Variants in CLIP2 observed in about 807,000 individuals in gnomAD.
CLIP2 encodes the protein CAP-Gly domain containing linker protein 2.
Under a neutral mutation model 111.7 loss-of-function variants are expected in CLIP2, and 41 were observed. The ratio of observed to expected loss-of-function variants is 0.37; its 90% CI spans 0.29 to 0.48. The LOEUF is 0.48. Among genes scored for constraint, CLIP2 ranks in the 20% least tolerant of loss-of-function variants. The pLI is 0.99. For synonymous variants in CLIP2, 660 were observed against 644.2 expected (o/e 1.02, Z -0.37); for missense variants, 1,160 against 1,422.1 (o/e 0.82, Z 2.96).
chr7:74,343,902 T>TAA (rs1247795156), intron 3 of CLIP2, among the ~76,000 whole-genome samples: 2 of 147,716 alleles, frequency 1.4e-5, no homozygotes, highest in African/African-American at 5.0e-5. Context: ...GACGCTGTCT[T>TAA]AAAAAAAAAA....
chr7:74,306,354 G>A (rs1240417904), intron 1 of CLIP2, among the ~76,000 whole-genome samples: 1 of 152,148 alleles, frequency 6.6e-6, no homozygotes, highest in Non-Finnish European at 1.5e-5. Flanking sequence ...AGTGGGCTCT[G>A]GTGAAGGCTG....
rs1584293692 is a variant in CLIP2, at chr7:74,289,459, C to T, written c.-343C>T. The stretch of plus-strand genomic sequence containing the variant: ...GCTGGCTCCGCTGGCTCCGCTGGCT[C>T]CGCGGGCGCTCAGCTCGGCTCGGCC... On this transcript the variant is annotated 5_prime_UTR_variant, in exon 1 of 17. Coordinates refer to ENST00000223398, the MANE Select transcript of CLIP2 (RefSeq NM_003388.5). 1.3e-5 allele frequency: 2 copies of T among 151,012 alleles called. No individual in the cohort carries two copies. Among genetic ancestry groups the T allele is most frequent in the African/African-American group, 4.8e-5 (2 of 41,430 alleles). 9.4% of individuals were successfully genotyped at this position (151,012 alleles called of 1,614,324 possible).
chr7:74,359,673 T>TGA (rs1790269727), intron 6 of CLIP2, among the ~76,000 whole-genome samples: 1 of 152,170 alleles, frequency 6.6e-6, no homozygotes, highest in Non-Finnish European at 1.5e-5. Flanking sequence ...ATTATTTTTT[T>TGA]GAGCAGATTC....
chr7:74,336,069 A>ATTCTT (rs1554732070), intron 2 of CLIP2, among the ~76,000 whole-genome samples: 120 of 147,644 alleles, frequency 8.1e-4, no homozygotes, highest in African/African-American at 2.8e-3. Context: ...TTTCTTTTCT[A>ATTCTT]TTCTTTTCTT....
At chr7:74,375,207 A>C (rs1283970747) in intron 9 of CLIP2, among the ~76,000 whole-genome samples, 3 of 151,118 alleles carry the variant, frequency 2.0e-5, no homozygotes, top group African/African-American at 7.3e-5. Flanking sequence ...CTATTATTGC[A>C]CGGCTGCACT....
At chr7:74,378,118 C>T (rs533392992) in intron 10 of CLIP2, among the ~76,000 whole-genome samples, 7 of 142,804 alleles carry the variant, frequency 4.9e-5, no homozygotes, top group African/African-American at 1.8e-4. Flanking sequence ...GAGGCACCAT[C>T]CCTGGCCTTT....
Position 74,376,599 on chromosome 7 carries a change from A to T in CLIP2, c.2198A>T (p.His733Leu). 1 of 1,612,856 alleles carries T rather than the reference A, an allele frequency of 6.2e-7. No homozygotes were observed. Residue 733 changes from histidine (H) to leucine (L), a missense_variant, in exon 10 of 17, where the codon CAC (histidine) becomes CTC (leucine). This residue lies in a region of CLIP2 where 676 missense variants were observed against 777.8 expected (regional missense o/e 0.87). Coordinates refer to ENST00000223398, the MANE Select transcript of CLIP2 (RefSeq NM_003388.5). This position sits in a 1 kb window ranked among gnomAD's most constrained non-coding sequence, Gnocchi z 7.1. ...CGCCGGGATGCCGAGCTGCGTGTGCACGAGCTGGAAAAACTGGACGTGGAG... is the reference window on the plus strand; with the variant it reads ...CGCCGGGATGCCGAGCTGCGTGTGCTCGAGCTGGAAAAACTGGACGTGGAG... ...DQRRDAELRVHELEKLDVEYR... is the reference protein window; with the variant it reads ...DQRRDAELRVLELEKLDVEYR...
At chr7:74,347,362 G>A (rs1464002152) in intron 3 of CLIP2, among the ~76,000 whole-genome samples, 1 of 152,096 alleles carries the variant, frequency 6.6e-6, no homozygotes, top group Non-Finnish European at 1.5e-5. Flanking sequence ...TCCGCCTCCC[G>A]GGTTCACGCC....
intron 2 of CLIP2, among the ~76,000 whole-genome samples, chr7:74,328,546 G>T (rs1434041884): frequency 6.6e-6 from 1 of 152,068 alleles, no homozygotes; most frequent in Non-Finnish European, 1.5e-5. Context: ...GCAAACCAAG[G>T]GGGAACAGAG....
intron 5 of CLIP2, 57 bp downstream of exon 5, chr7:74,356,680 T>C: frequency 6.7e-7 from 1 of 1,489,414 alleles, no homozygotes; most frequent in Non-Finnish European, 9.2e-7. Flanking sequence ...GGGGTGAGGA[T>C]GTAAGAGATC....
chr7:74,401,675 A>C (rs782102196), intron 16 of CLIP2, 108 bp downstream of exon 16: 8 of 1,150,588 alleles, frequency 7.0e-6, no homozygotes, highest in African/African-American at 4.6e-5. Context: ...TTCTGCAAGA[A>C]GCTTTACAGT....
intron 1 of CLIP2, among the ~76,000 whole-genome samples, chr7:74,309,782 C>T (rs750568499): frequency 3.3e-5 from 5 of 149,756 alleles, no homozygotes; most frequent in African/African-American, 5.0e-5. Flanking sequence ...CGCTTGAACC[C>T]GGGAGAATCG....
chr7:74,303,546 G>A (rs1554727182), intron 1 of CLIP2, among the ~76,000 whole-genome samples: 2 of 151,970 alleles, frequency 1.3e-5, no homozygotes, highest in East Asian at 3.9e-4. Flanking sequence ...CCTCTTGGTG[G>A]CTGTGCAGTG....
intron 7 of CLIP2, 61 bp from the exon 8 acceptor site, chr7:74,364,194 T>TTCGGTGAA (rs1790411868): frequency 2.7e-6 from 4 of 1,486,404 alleles, no homozygotes; most frequent in Non-Finnish European, 3.7e-6. Context: ...CTGTTGCTCA[T>TTCGGTGAA]TCGGTGAATC....
At chr7:74,344,004 C>T (rs1554305848) in intron 3 of CLIP2, among the ~76,000 whole-genome samples, 1 of 152,100 alleles carries the variant, frequency 6.6e-6, no homozygotes, top group East Asian at 1.9e-4. Context: ...GTGGGAGTGC[C>T]CTGGGCATGG....
rs551556225 is a variant in CLIP2 at position 74,346,596 on chromosome 7, G to A, written c.679-7284G>A. Among the ~76,000 whole-genome samples the A allele has an allele frequency of 1.4e-4, 21 of 152,054 alleles. No individual in the cohort carries two copies. In the South Asian group the frequency reaches 3.5e-3, roughly 26 times the overall value. On this transcript the variant is annotated intron_variant, in intron 3 of 16. Coordinates refer to ENST00000223398, the MANE Select transcript of CLIP2 (RefSeq NM_003388.5). ...AAGTTAGCTGGGTGTGGTGGCGCAC[G>A]CCTGTAATCCAAGCTCCTCAGGTGG... is the stretch of plus-strand genomic sequence containing the variant.
intron 1 of CLIP2, among the ~76,000 whole-genome samples, chr7:74,312,919 A>G (rs11974782): frequency 0.068 from 10,341 of 151,986 alleles, 693 homozygotes; most frequent in East Asian, 0.26. Flanking sequence ...GACTCATCGG[A>G]TGCCCTCACG....
chr7:74,374,587 G>T (rs1398288375), intron 9 of CLIP2, among the ~76,000 whole-genome samples: 7 of 152,058 alleles, frequency 4.6e-5, no homozygotes, highest in Admixed American at 4.6e-4. Context: ...TGAGCGGGGT[G>T]GTGCACGCCT....
At position 74,338,423 on chromosome 7, in the gene CLIP2, T is replaced by C. The variant is rs1437846241; in HGVS notation, c.122-25T>C. On this transcript the variant is annotated intron_variant, in intron 2 of 16. Transcript: ENST00000223398. This position sits in a 1 kb window ranked among gnomAD's most constrained non-coding sequence, Gnocchi z 4.3. ...GGGCCAGCCCTAACAGCCACCTCTT[T>C]CCCTTTCCCTCTCCTTCTCTGCAGG... 5.0e-6 allele frequency: 8 copies of C among 1,608,020 alleles called. No individual in the cohort carries two copies. Among genetic ancestry groups the C allele is most frequent in the Non-Finnish European group, 6.8e-6 (8 of 1,178,172 alleles).
Sources: allele counts gnomAD v4.1 joint callset (sites outside exome capture counted in the v4.1 genomes callset), GRCh38; gene constraint gnomAD v4.1.1; regional missense constraint gnomAD v4.1.1; non-coding constraint Gnocchi (gnomAD v3.1); transcripts MANE v1.5; gene names NCBI Gene and HGNC (gene_info 2026-07-23, HGNC 2026-07-21).